The following SLC17A6 variants were observed in gnomAD, a reference collection of about 807,000 sequenced individuals.
The protein encoded by SLC17A6 is vesicular glutamate transporter 2.
In SLC17A6, 35 loss-of-function variants were observed where a neutral mutation model predicts 67.1. That is an observed-to-expected ratio of 0.52 (90% CI 0.40 to 0.69). The LOEUF is 0.69. SLC17A6 is among the 30% of genes least tolerant of loss of function. SLC17A6 has a pLI of 0.00. For missense variants in SLC17A6, 588 were observed against 723.9 expected (o/e 0.81, Z 2.15); for synonymous variants, 285 against 252.3 (o/e 1.13, Z -1.23).
Position 22,365,635 on chromosome 11 carries a change from T to C in SLC17A6, c.837T>C (p.Arg279=), listed in dbSNP as rs942063060. 5 of 1,613,918 alleles carry C rather than the reference T, an allele frequency of 3.1e-6. No individual in the cohort carries two copies. The highest frequency in any genetic ancestry group is 1.1e-5 in the South Asian group (1 of 91,066). ...ATCCTACTATTACAGATGAAGAACG[T>C]AGGTACATAGAAGAAAGCATTGGAG... ...AKHPTITDEE[R]RYIEESIGES... is the part of the protein sequence containing the mutation. The change falls in exon 7 of 12, where the codon CGT becomes CGC. Residue 279 remains arginine, a synonymous_variant. Coordinates refer to ENST00000263160, the MANE Select transcript of SLC17A6 (RefSeq NM_020346.3).
At chr11:22,362,458 C>T (rs1856063750) in intron 5 of SLC17A6, among the ~76,000 whole-genome samples, 1 of 152,164 alleles carries the variant, frequency 6.6e-6, no homozygotes, top group African/African-American at 2.4e-5. Context: ...ACATGCAGGA[C>T]ACATGCCAAT....
chr11:22,371,220 C>G (rs1396850115), intron 8 of SLC17A6, among the ~76,000 whole-genome samples: 1 of 152,024 alleles, frequency 6.6e-6, no homozygotes, highest in Non-Finnish European at 1.5e-5. Flanking sequence ...TTTGCTAAGT[C>G]CTGAATACAT....
At chr11:22,352,593 C>A (rs970863587) in intron 3 of SLC17A6, among the ~76,000 whole-genome samples, 2 of 152,090 alleles carry the variant, frequency 1.3e-5, no homozygotes, top group South Asian at 4.1e-4. Flanking sequence ...TGTGCTAGCA[C>A]CATGGAGTTT....
At chr11:22,361,494 G>C (rs1856052731) in intron 5 of SLC17A6, among the ~76,000 whole-genome samples, 3 of 151,978 alleles carry the variant, frequency 2.0e-5, no homozygotes, top group Admixed American at 6.6e-5. Context: ...TGAATAAAAT[G>C]CCTATAGAAA....
intron 6 of SLC17A6, among the ~76,000 whole-genome samples, chr11:22,364,807 A>C (rs1323294033): frequency 6.6e-6 from 1 of 152,182 alleles, no homozygotes; most frequent in Non-Finnish European, 1.5e-5. Context: ...TATATCGCAC[A>C]AAAAGGACAT....
chr11:22,361,017 C>T, intron 5 of SLC17A6, 33 bp downstream of exon 5: 2 of 1,581,578 alleles, frequency 1.3e-6, no homozygotes, highest in Non-Finnish European at 1.7e-6. Flanking sequence ...GCTATGGTGG[C>T]TAAAAGTTTA....
chr11:22,338,936 C>T (rs906839270), intron 1 of SLC17A6, among the ~76,000 whole-genome samples: 2 of 150,178 alleles, frequency 1.3e-5, no homozygotes, highest in Admixed American at 1.3e-4. Flanking sequence ...ATGGCCAGCC[C>T]CTGCTCAAAC....
intron 6 of SLC17A6, 99 bp downstream of exon 6, chr11:22,362,924 G>A (rs1001393377): frequency 5.8e-5 from 48 of 825,758 alleles, no homozygotes; most frequent in African/African-American, 1.2e-4. Context: ...ACATTTCTAT[G>A]TTTACTTACT....
chr11:22,343,423 C>A, intron 3 of SLC17A6, 58 bp downstream of exon 3: 1 of 1,440,980 alleles, frequency 6.9e-7, no homozygotes. Flanking sequence ...TCCGAAGGGG[C>A]AGCAGAAGCT....
intron 1 of SLC17A6, among the ~76,000 whole-genome samples, chr11:22,340,938 C>A (rs558217108): frequency 7.2e-5 from 11 of 152,270 alleles, no homozygotes; most frequent in African/African-American, 1.4e-4. Context: ...AGGCTCAGCT[C>A]AGGGGGTGGA....
intron 8 of SLC17A6, among the ~76,000 whole-genome samples, chr11:22,372,145 G>GA (rs1003697583): frequency 1.3e-5 from 2 of 151,788 alleles, no homozygotes; most frequent in African/African-American, 4.8e-5. Context: ...GTATCCTACA[G>GA]AAAAAAATAT....
intron 3 of SLC17A6, among the ~76,000 whole-genome samples, chr11:22,343,812 C>A (rs573412055): frequency 6.6e-6 from 1 of 152,254 alleles, no homozygotes; most frequent in East Asian, 1.9e-4. Flanking sequence ...GAAGACCTGG[C>A]CCCGTCCCCC....
intron 4 of SLC17A6, among the ~76,000 whole-genome samples, chr11:22,360,533 C>A (rs971157793): frequency 6.4e-5 from 9 of 139,938 alleles, no homozygotes; most frequent in South Asian, 2.5e-4. Context: ...CCTTCCCCCC[C>A]CCCCAAAAAA....
chr11:22,346,644 TA>T lies in SLC17A6; in HGVS notation c.458+3286del, dbSNP rs201472977. Among the ~76,000 whole-genome samples, 684 of 142,556 alleles carry T rather than the reference TA, an allele frequency of 4.8e-3. 8 individuals are homozygous for T. Among genetic ancestry groups the T allele is most frequent in the African/African-American group, 0.017 (657 of 38,518 alleles). The allele number at this position is 142,556 out of a possible 152,430, so 93.5% of individuals were successfully genotyped here. ...AGATGAGAACATATTAATATGGTAA[TA>T]AAAAAATGTGGGGGGCAAATTATTT... On this transcript the variant is annotated intron_variant, in intron 3 of 11. Coordinates refer to ENST00000263160, the MANE Select transcript of SLC17A6 (RefSeq NM_020346.3).
At chr11:22,343,509 G>A (rs1855843046) in intron 3 of SLC17A6, 144 bp downstream of exon 3, 1 of 626,576 alleles carries the variant, frequency 1.6e-6, no homozygotes, top group Admixed American at 3.4e-5. Flanking sequence ...CACCCTCTCA[G>A]GGCTGGAGCT....
chr11:22,356,484 G>C (rs78753332), intron 3 of SLC17A6, among the ~76,000 whole-genome samples: 1 of 151,968 alleles, frequency 6.6e-6, no homozygotes, highest in South Asian at 2.1e-4. Flanking sequence ...CTAGTTACAG[G>C]GAATTCAATG....
chr11:22,353,078 G>A (rs965511554), intron 3 of SLC17A6, among the ~76,000 whole-genome samples: 9 of 152,174 alleles, frequency 5.9e-5, no homozygotes, highest in African/African-American at 2.2e-4. Flanking sequence ...AGAAAAAGAT[G>A]CGAAATAATC....
At chr11:22,372,667 GA>G (rs1856187506) in intron 8 of SLC17A6, among the ~76,000 whole-genome samples, 1 of 152,058 alleles carries the variant, frequency 6.6e-6, no homozygotes, top group African/African-American at 2.4e-5. Context: ...CTATGACCCA[GA>G]AAAGCTAAAA....
chr11:22,347,047 G>A (rs1215121966), intron 3 of SLC17A6, among the ~76,000 whole-genome samples: 2 of 151,454 alleles, frequency 1.3e-5, no homozygotes, highest in Non-Finnish European at 2.9e-5. Flanking sequence ...TCTCAACGCT[G>A]CTTTATTTTT....
Sources: allele counts gnomAD v4.1 joint callset (sites outside exome capture counted in the v4.1 genomes callset), GRCh38; gene constraint gnomAD v4.1.1; transcripts MANE v1.5; gene names NCBI Gene and HGNC (gene_info 2026-07-23, HGNC 2026-07-21).